Variants in TNNI3K observed in about 807,000 individuals in gnomAD.
TNNI3K encodes serine/threonine-protein kinase TNNI3K.
In TNNI3K, 140 loss-of-function variants were observed where a neutral mutation model predicts 114.5. That is an observed-to-expected ratio of 1.22 (90% CI 1.07 to 1.41). The LOEUF (loss-of-function observed/expected upper bound fraction) is 1.41. Ranked by LOEUF, TNNI3K falls within the 40% of genes most tolerant of loss-of-function variation. The pLI, the probability that TNNI3K is intolerant of heterozygous loss-of-function variation, is 0.00. For missense variants in TNNI3K, 1,125 were observed against 1,007.6 expected (o/e 1.12, Z -1.58); for synonymous variants, 347 against 347.5 (o/e 1.00, Z 0.02).
chr1:74,487,440 T>G lies in TNNI3K; in HGVS notation c.2122-1749T>G, dbSNP rs1010104041. On this transcript the variant is annotated intron_variant, in intron 21 of 24. Coordinates refer to ENST00000326637, the MANE Select transcript of TNNI3K (RefSeq NM_015978.3). ...GACTAGAAATATGTAATAGGCTCTC[T>G]GAATAGTACTGACGGTCCATGGGAG... 1.1e-4 allele frequency among the ~76,000 whole-genome samples: 17 copies of G among 152,274 alleles called. No homozygotes were observed. In the East Asian group the frequency reaches 2.9e-3, roughly 26 times the overall value.
At chr1:74,384,343 A>G (rs1047291590) in intron 17 of TNNI3K, among the ~76,000 whole-genome samples, 1 of 152,194 alleles carries the variant, frequency 6.6e-6, no homozygotes, top group Non-Finnish European at 1.5e-5. Flanking sequence ...AGGGAAAGAC[A>G]ATCAGTTGTT....
At chr1:74,475,628 C>A in intron 21 of TNNI3K, 2 of 717,148 alleles carry the variant, frequency 2.8e-6, no homozygotes, top group Non-Finnish European at 5.2e-6. Flanking sequence ...ACCTTTATCT[C>A]GTTTTCCTGA....
chr1:74,332,578 G>A (rs1660262362), intron 6 of TNNI3K, among the ~76,000 whole-genome samples: 1 of 152,100 alleles, frequency 6.6e-6, no homozygotes, highest in African/African-American at 2.4e-5. Context: ...GGGATTACAG[G>A]TGTGAGCCAC....
At chr1:74,391,162 G>A (rs958232577) in intron 17 of TNNI3K, among the ~76,000 whole-genome samples, 1 of 152,068 alleles carries the variant, frequency 6.6e-6, no homozygotes. Context: ...TTATTTATTT[G>A]TTCATTCGAC....
At chr1:74,485,091 T>C (rs186940788) in intron 21 of TNNI3K, among the ~76,000 whole-genome samples, 6 of 152,290 alleles carry the variant, frequency 3.9e-5, no homozygotes, top group African/African-American at 1.4e-4. Flanking sequence ...TAAACCATTG[T>C]ATCAAAGAAC....
chr1:74,462,383 A>G (rs1209093027), intron 20 of TNNI3K, among the ~76,000 whole-genome samples: 3 of 152,198 alleles, frequency 2.0e-5, no homozygotes, highest in Non-Finnish European at 2.9e-5. Flanking sequence ...AGGCAGCAGC[A>G]ATGTCCTGGA....
chr1:74,242,060 A>C (rs553083856), intron 2 of TNNI3K, among the ~76,000 whole-genome samples: 12 of 152,024 alleles, frequency 7.9e-5, no homozygotes, highest in Admixed American at 2.0e-4. Flanking sequence ...TGTGTTAGCC[A>C]GGATGGTCTC....
At chr1:74,471,770 C>G (rs1196324959) in intron 21 of TNNI3K, 1 of 418,226 alleles carries the variant, frequency 2.4e-6, no homozygotes, top group Non-Finnish European at 4.2e-6. Flanking sequence ...TCTATGTTGT[C>G]CTCACTCATA....
At chr1:74,258,281 T>TTC (rs147476024) in intron 4 of TNNI3K, among the ~76,000 whole-genome samples, 2,801 of 152,292 alleles carry the variant, frequency 0.018, 87 homozygotes, top group African/African-American at 0.064. Context: ...TCTGTGCAGC[T>TTC]TCTTCTTCTC....
intron 19 of TNNI3K, chr1:74,439,074 G>A (rs1205805957): frequency 1.3e-5 from 2 of 153,838 alleles, no homozygotes; most frequent in Admixed American, 6.5e-5. Flanking sequence ...CACTCCCAGG[G>A]AGACATAGGG....
At chr1:74,419,719 C>A (rs1338955239) in intron 17 of TNNI3K, among the ~76,000 whole-genome samples, 1 of 152,056 alleles carries the variant, frequency 6.6e-6, no homozygotes, top group Non-Finnish European at 1.5e-5. Context: ...GCAAAAGTTT[C>A]CATCTAGTTC....
chr1:74,281,493 C>T (rs1159736926), intron 5 of TNNI3K, among the ~76,000 whole-genome samples: 1 of 151,982 alleles, frequency 6.6e-6, no homozygotes, highest in East Asian at 1.9e-4. Flanking sequence ...AATGTGGTAT[C>T]CTAGGTAGGG....
chr1:74,340,481 A>G (rs1341577), intron 7 of TNNI3K, among the ~76,000 whole-genome samples: 130,186 of 152,120 alleles, frequency 0.86, 56,052 homozygotes, highest in Middle Eastern at 0.91. Context: ...AAAAACAGAC[A>G]TGTATACGCA....
At chr1:74,240,955 C>T (rs1164930839) in intron 2 of TNNI3K, 1 of 151,982 alleles carries the variant, frequency 6.6e-6, no homozygotes. Flanking sequence ...CAACAGGCCC[C>T]CGTGTGTGAT....
intron 23 of TNNI3K, among the ~76,000 whole-genome samples, chr1:74,498,768 T>C (rs188813509): frequency 6.6e-6 from 1 of 152,286 alleles, no homozygotes; most frequent in East Asian, 1.9e-4. Context: ...TATATTTCTT[T>C]TTTAATTACT....
chr1:74,347,252 T>G (rs1661059802), intron 9 of TNNI3K, among the ~76,000 whole-genome samples: 1 of 149,166 alleles, frequency 6.7e-6, no homozygotes, highest in South Asian at 2.2e-4. Flanking sequence ...CATGCAGTGT[T>G]TGGTTTTTTA....
chr1:74,510,993 T>C (rs1470977036), intron 23 of TNNI3K, among the ~76,000 whole-genome samples: 1 of 152,086 alleles, frequency 6.6e-6, no homozygotes, highest in Non-Finnish European at 1.5e-5. Flanking sequence ...GTTCAAGTGA[T>C]TCTCCTGCCT....
chr1:74,396,795 T>A (rs1181152220), intron 17 of TNNI3K, among the ~76,000 whole-genome samples: 2 of 152,104 alleles, frequency 1.3e-5, no homozygotes, highest in African/African-American at 2.4e-5. Context: ...AAGAGGAGAT[T>A]CCTCCTGCTT....
At chr1:74,448,272 A>G (rs999552002) in intron 20 of TNNI3K, among the ~76,000 whole-genome samples, 2 of 125,154 alleles carry the variant, frequency 1.6e-5, no homozygotes, top group Admixed American at 7.4e-5. Context: ...AAAAAAAAAA[A>G]AAAAAAAAAA....
Sources: allele counts gnomAD v4.1 joint callset (sites outside exome capture counted in the v4.1 genomes callset), GRCh38; gene constraint gnomAD v4.1.1; transcripts MANE v1.5; gene names NCBI Gene and HGNC (gene_info 2026-07-23, HGNC 2026-07-21).